Variants in CSMD3 observed in about 807,000 individuals in gnomAD.
The protein encoded by CSMD3 is CUB and sushi domain-containing protein 3.
CSMD3 carries 177 observed loss-of-function variants against 435.2 expected under a neutral mutation model. That is an observed-to-expected ratio of 0.41 (90% CI 0.36 to 0.46). The LOEUF (loss-of-function observed/expected upper bound fraction) is 0.46, where lower values mean the gene tolerates loss of function less well. CSMD3 is among the 20% of genes least tolerant of loss of function. CSMD3 has a pLI of 0.34. For missense variants in CSMD3, 4,265 were observed against 4,504.6 expected, an observed-to-expected ratio of 0.95 and a Z score of 1.52; for synonymous variants, 1,656 against 1,520.5, an observed-to-expected ratio of 1.09 and a Z score of -2.07.
intron 4 of CSMD3, among the ~76,000 whole-genome samples, chr8:113,147,118 A>T (rs2091693994): frequency 6.6e-6 from 1 of 151,582 alleles, no homozygotes; most frequent in South Asian, 2.1e-4. Flanking sequence ...GATTAAAATC[A>T]CTCCCTAATA....
chr8:113,215,656 G>C (rs1356134087), intron 3 of CSMD3, among the ~76,000 whole-genome samples: 1 of 151,734 alleles, frequency 6.6e-6, no homozygotes, highest in Non-Finnish European at 1.5e-5. Context: ...CTAAAATTAA[G>C]TTTCCATTAA....
chr8:113,194,793 A>G (rs2092631823), intron 3 of CSMD3, among the ~76,000 whole-genome samples: 1 of 151,280 alleles, frequency 6.6e-6, no homozygotes, highest in Non-Finnish European at 1.5e-5. Context: ...ATAGGCCTCC[A>G]TAATCTTAAT....
intron 6 of CSMD3, among the ~76,000 whole-genome samples, chr8:112,991,713 A>G (rs770449532): frequency 6.6e-6 from 1 of 151,860 alleles, no homozygotes; most frequent in Non-Finnish European, 1.5e-5. Context: ...AAAAGATGAG[A>G]CACAAAAATA....
intron 1 of CSMD3, among the ~76,000 whole-genome samples, chr8:113,316,315 A>C (rs1400973352): frequency 6.6e-6 from 1 of 152,194 alleles, no homozygotes; most frequent in Non-Finnish European, 1.5e-5. Flanking sequence ...TGGAACTGGC[A>C]TAGAAATGCA....
At chr8:112,923,028 C>A (rs187229401) in intron 9 of CSMD3, among the ~76,000 whole-genome samples, 8 of 152,216 alleles carry the variant, frequency 5.3e-5, no homozygotes, top group Admixed American at 3.3e-4. Flanking sequence ...TTCTGTCTTG[C>A]ATTTCACAAG....
chr8:112,936,350 G>A (rs2083280476), intron 9 of CSMD3, among the ~76,000 whole-genome samples: 1 of 151,740 alleles, frequency 6.6e-6, no homozygotes, highest in African/African-American at 2.4e-5. Context: ...AAATCATATT[G>A]CTTCTTCACT....
At chr8:112,373,801 T>C (rs940973472) in intron 38 of CSMD3, among the ~76,000 whole-genome samples, 1 of 152,096 alleles carries the variant, frequency 6.6e-6, no homozygotes, top group African/African-American at 2.4e-5. Context: ...CGGGAATCGA[T>C]GTGGTGCTTG....
chr8:112,238,120 T>C (rs559284008), intron 66 of CSMD3, among the ~76,000 whole-genome samples: 87 of 152,158 alleles, frequency 5.7e-4, no homozygotes, highest in Non-Finnish European at 1.1e-3. Context: ...TGTCAAAGTC[T>C]ACACAGCTCC....
rs775351584 is a variant in CSMD3 at position 112,383,578 on chromosome 8, C to T, written c.6020G>A (p.Gly2007Glu). ...DGGDNNAPRL[G>E]SYSGTTIPHL... ...GCTCTCTTATTTACCTGAATAGCTTCCAAGTCTTGGAGCATTGTTGTCTCC... is the reference window on the plus strand; with the variant it reads ...GCTCTCTTATTTACCTGAATAGCTTTCAAGTCTTGGAGCATTGTTGTCTCC... Residue 2007 changes from glycine to glutamate, a missense_variant, in exon 37 of 71, where the codon GGA (glycine) becomes GAA (glutamate). Gly to Glu is a moderately conservative substitution (Grantham distance 98). Around this residue, in one of 3 missense-constraint regions of CSMD3, gnomAD observed 3,255 missense variants for 3,380.2 expected, o/e 0.96. Coordinates refer to ENST00000297405, the MANE Select transcript of CSMD3 (RefSeq NM_198123.2). 38 of 1,561,762 alleles carry T rather than the reference C, an allele frequency of 2.4e-5. No individual in the cohort carries two copies. Among genetic ancestry groups the T allele is most frequent in the Non-Finnish European group, 3.1e-5 (35 of 1,132,548 alleles).
At chr8:113,342,319 T>C (rs1020956427) in intron 1 of CSMD3, among the ~76,000 whole-genome samples, 1 of 152,142 alleles carries the variant, frequency 6.6e-6, no homozygotes, top group African/African-American at 2.4e-5. Context: ...GATTCTCTAA[T>C]GCGCTTTCAA....
intron 4 of CSMD3, among the ~76,000 whole-genome samples, chr8:113,120,709 C>T (rs1175687836): frequency 6.6e-6 from 1 of 152,096 alleles, no homozygotes; most frequent in African/African-American, 2.4e-5. Context: ...GTGTATTCTT[C>T]CTCTGAAATC....
At chr8:112,505,756 T>C (rs1322097260) in intron 29 of CSMD3, among the ~76,000 whole-genome samples, 6 of 152,086 alleles carry the variant, frequency 3.9e-5, no homozygotes, top group Non-Finnish European at 8.8e-5. Flanking sequence ...TAATAAATAT[T>C]AACTCATCTT....
At chr8:113,288,786 T>A (rs2093663991) in intron 2 of CSMD3, among the ~76,000 whole-genome samples, 1 of 151,912 alleles carries the variant, frequency 6.6e-6, no homozygotes, top group African/African-American at 2.4e-5. Flanking sequence ...ATTCTGCTGC[T>A]TATTAGCAGT....
Position 112,985,693 on chromosome 8 carries a change from A to G in CSMD3, c.1031-9545T>C, listed in dbSNP as rs75622265. Among the ~76,000 whole-genome samples the G allele has an allele frequency of 7.7e-3, 1,179 of 152,188 alleles. 18 individuals carry two copies. Among genetic ancestry groups the G allele is most frequent in the African/African-American group, 0.027 (1,129 of 41,544 alleles). ...CATTACCTACTGAGCTCTGCCACCTATCAGATCAGTGGTGGCATTAGATTC... is the reference window on the plus strand; with the variant it reads ...CATTACCTACTGAGCTCTGCCACCTGTCAGATCAGTGGTGGCATTAGATTC... On this transcript the variant is annotated intron_variant, in intron 6 of 70. Coordinates refer to ENST00000297405, the MANE Select transcript of CSMD3 (RefSeq NM_198123.2).
At chr8:112,732,061 T>A (rs2077086833) in intron 13 of CSMD3, among the ~76,000 whole-genome samples, 1 of 151,962 alleles carries the variant, frequency 6.6e-6, no homozygotes, top group South Asian at 2.1e-4. Context: ...TGAGTGTGTG[T>A]GTGTGTATGT....
chr8:113,230,669 CCT>C (rs754886563), intron 3 of CSMD3, among the ~76,000 whole-genome samples: 27 of 151,476 alleles, frequency 1.8e-4, no homozygotes, highest in South Asian at 2.1e-4. Flanking sequence ...CCAAGCATCC[CCT>C]GTTATTAATG....
At chr8:113,351,678 T>A (rs1414704810) in intron 1 of CSMD3, among the ~76,000 whole-genome samples, 1 of 152,162 alleles carries the variant, frequency 6.6e-6, no homozygotes, top group Non-Finnish European at 1.5e-5. Context: ...CACCAGGCAT[T>A]CGCTAAGTGC....
intron 10 of CSMD3, among the ~76,000 whole-genome samples, chr8:112,877,687 C>A (rs2081326941): frequency 6.6e-6 from 1 of 152,128 alleles, no homozygotes; most frequent in African/African-American, 2.4e-5. Context: ...GTGACAGTAA[C>A]CAAAACAGCA....
intron 10 of CSMD3, among the ~76,000 whole-genome samples, chr8:112,909,209 CA>C (rs1335135913): frequency 6.6e-6 from 1 of 151,358 alleles, no homozygotes; most frequent in African/African-American, 2.4e-5. Context: ...CAAAATCAAG[CA>C]CATAAACATA....
Sources: allele counts gnomAD v4.1 joint callset (sites outside exome capture counted in the v4.1 genomes callset), GRCh38; gene constraint gnomAD v4.1.1; regional missense constraint gnomAD v4.1.1; transcripts MANE v1.5; gene names NCBI Gene and HGNC (gene_info 2026-07-23, HGNC 2026-07-21).